OCM: variants seen among roughly 807,000 people sequenced by gnomAD.
The protein encoded by OCM is oncomodulin, also known as oncomodulin-1.
Under a neutral mutation model 14.1 loss-of-function variants are expected in OCM, and 18 were observed. That is an observed-to-expected ratio of 1.28 (90% CI 0.88 to 1.89). The LOEUF (loss-of-function observed/expected upper bound fraction) is 1.89, where lower values mean the gene tolerates loss of function less well. Among genes scored for constraint, OCM ranks in the 40% most tolerant of loss-of-function variants. OCM has a pLI of 0.00. For synonymous variants in OCM, 48 were observed against 51.0 expected, an observed-to-expected ratio of 0.94 and a Z score of 0.25; for missense variants, 140 against 137.6, an observed-to-expected ratio of 1.02 and a Z score of -0.09.
upstream of OCM, chr7:5,879,959 G>A (rs978889484): frequency 6.6e-6 from 1 of 152,122 alleles, no homozygotes; most frequent in African/African-American, 2.4e-5. Flanking sequence ...AACCGAAAAC[G>A]GTGAGTAACT....
chr7:5,870,291 T>C, the OCM span, among the ~76,000 whole-genome samples: 38,251 of 151,800 alleles, frequency 0.25, 4,967 homozygotes, highest in Middle Eastern at 0.39. Flanking sequence ...TTAAATTTTT[T>C]TGTAGCGATA....
At chr7:5,860,856 A>G in the OCM span, among the ~76,000 whole-genome samples, 1 of 149,882 alleles carries the variant, frequency 6.7e-6, no homozygotes, top group Non-Finnish European at 1.5e-5. Context: ...ATACATATAC[A>G]TATACATATA....
At chr7:5,860,565 GTGT>G in the OCM span, among the ~76,000 whole-genome samples, 2 of 57,562 alleles carry the variant, frequency 3.5e-5, 1 homozygote, top group Admixed American at 3.5e-4. Flanking sequence ...GTATATATAC[GTGT>G]GTATATATAT....
At chr7:5,865,896 G>T in the OCM span, among the ~76,000 whole-genome samples, 1 of 152,126 alleles carries the variant, frequency 6.6e-6, no homozygotes. Context: ...CTAGATGTAG[G>T]TCAAATATGC....
the OCM span, among the ~76,000 whole-genome samples, chr7:5,860,868 ATATT>A: frequency 2.7e-4 from 40 of 150,184 alleles, no homozygotes; most frequent in African/African-American, 7.1e-4. Flanking sequence ...ATACATATAT[ATATT>A]TATTTATTTA....
At chr7:5,861,160 G>T in the OCM span, among the ~76,000 whole-genome samples, 7 of 152,070 alleles carry the variant, frequency 4.6e-5, no homozygotes, top group Non-Finnish European at 8.8e-5. Flanking sequence ...GGTGGCTCAC[G>T]CCTGTAATCC....
intron 1 of OCM, among the ~76,000 whole-genome samples, chr7:5,882,162 T>A (rs573015142): frequency 6.7e-6 from 1 of 148,472 alleles, no homozygotes; most frequent in East Asian, 2.0e-4. Context: ...GTGATTGCAT[T>A]TCCCCCTACC....
the OCM span, among the ~76,000 whole-genome samples, chr7:5,859,964 A>T: frequency 0.025 from 3,856 of 152,108 alleles, 169 homozygotes; most frequent in African/African-American, 0.088. Context: ...CTGGGATTAG[A>T]GGTGTGAGCC....
chr7:5,872,940 C>T, the OCM span, among the ~76,000 whole-genome samples: 1 of 152,154 alleles, frequency 6.6e-6, no homozygotes, highest in African/African-American at 2.4e-5. Context: ...CGGTGGCTCA[C>T]ACCTGTAATG....
At chr7:5,884,100 T>A (rs1012645372) in intron 3 of OCM, 101 bp downstream of exon 3, 7 of 1,184,644 alleles carry the variant, frequency 5.9e-6, no homozygotes, top group African/African-American at 4.4e-5. Flanking sequence ...AAATCTCCCT[T>A]TCTTAAACTT....
chr7:5,869,026 G>A, the OCM span, among the ~76,000 whole-genome samples: 1 of 152,132 alleles, frequency 6.6e-6, no homozygotes, highest in South Asian at 2.1e-4. Context: ...TCGCGCCATT[G>A]TACTCCAGCC....
upstream of OCM, among the ~76,000 whole-genome samples, chr7:5,878,774 G>A (rs931933355): frequency 4.1e-5 from 6 of 145,322 alleles, no homozygotes; most frequent in Non-Finnish European, 7.5e-5. Flanking sequence ...AAATGGTTAA[G>A]ATTATATACT....
chr7:5,876,875 G>T (rs577492132), upstream of OCM, among the ~76,000 whole-genome samples: 1 of 150,308 alleles, frequency 6.7e-6, no homozygotes, highest in Non-Finnish European at 1.5e-5. Context: ...GTGCGATCTC[G>T]GCTCACCGCA....
the OCM span, among the ~76,000 whole-genome samples, chr7:5,866,150 A>C: frequency 0.22 from 32,509 of 150,320 alleles, 3,933 homozygotes; most frequent in African/African-American, 0.33. Flanking sequence ...GCAAAACCCC[A>C]GTCTCTACAA....
At chr7:5,874,058 A>AT in the OCM span, among the ~76,000 whole-genome samples, 6 of 101,962 alleles carry the variant, frequency 5.9e-5, no homozygotes, top group Middle Eastern at 5.0e-3. Context: ...TCTACTAAAA[A>AT]TAAAAAAAAA....
chr7:5,876,211 C>T (rs147530872), upstream of OCM, among the ~76,000 whole-genome samples: 3,727 of 152,270 alleles, frequency 0.024, 67 homozygotes, highest in Middle Eastern at 0.085. Context: ...ACCATGTTGG[C>T]CAGGCTGGCC....
chr7:5,867,384 G>A, the OCM span, among the ~76,000 whole-genome samples: 1 of 151,978 alleles, frequency 6.6e-6, no homozygotes, highest in Admixed American at 6.6e-5. Context: ...CTTTTTTCTG[G>A]CTGCCTTTAT....
chr7:5,871,938 G>T, the OCM span: 1 of 152,186 alleles, frequency 6.6e-6, no homozygotes, highest in Admixed American at 6.5e-5. Context: ...AAACTTAGTG[G>T]AGACACCCAA....
chr7:5,862,052 C>A, the OCM span, among the ~76,000 whole-genome samples: 5,613 of 152,140 alleles, frequency 0.037, 131 homozygotes, highest in Non-Finnish European at 0.053. Context: ...GGCGTGTGCC[C>A]CTGGGCCCTC....
Sources: gnomAD v4.1 joint callset for allele counts (sites outside exome capture counted in the v4.1 genomes callset) on GRCh38, gnomAD v4.1.1 for gene constraint, MANE v1.5 for transcripts, NCBI Gene and HGNC (gene_info 2026-07-23, HGNC 2026-07-21) for gene names.